Variants in WDPCP observed in about 807,000 individuals in gnomAD.
WDPCP encodes WD repeat-containing and planar cell polarity effector protein fritz homolog.
In WDPCP, 71 loss-of-function variants were observed where a neutral mutation model predicts 93.1. That is an observed-to-expected ratio of 0.76 (90% CI 0.63 to 0.93). WDPCP has a LOEUF of 0.93. Among genes scored for constraint, WDPCP ranks in the 40% least tolerant of loss-of-function variants. The pLI is 0.00. For synonymous variants in WDPCP, 315 were observed against 315.0 expected (o/e 1.00, Z 0.00); for missense variants, 844 against 887.4 (o/e 0.95, Z 0.62).
chr2:63,729,547 A>G (rs542200215), intron 2 of WDPCP, among the ~76,000 whole-genome samples: 109 of 152,166 alleles, frequency 7.2e-4, no homozygotes, highest in Non-Finnish European at 1.2e-3. Context: ...CTAACCCCCA[A>G]TTCAAAGCGC....
chr2:63,675,076 A>C (rs1030596666), intron 2 of WDPCP, among the ~76,000 whole-genome samples: 2 of 151,980 alleles, frequency 1.3e-5, no homozygotes, highest in Non-Finnish European at 1.5e-5. Flanking sequence ...TTTGAACCCC[A>C]CCCCAAACTT....
intron 3 of WDPCP, chr2:63,599,412 T>C: frequency 1.1e-6 from 1 of 947,848 alleles, no homozygotes; most frequent in South Asian, 2.1e-5. Flanking sequence ...TAGGAACCTA[T>C]TACTTTTATT....
intron 2 of WDPCP, among the ~76,000 whole-genome samples, chr2:63,736,993 C>T (rs376500813): frequency 9.2e-5 from 14 of 151,982 alleles, no homozygotes; most frequent in African/African-American, 2.4e-4. Context: ...TAGACTCAAA[C>T]GACAGCACAA....
chr2:63,298,882 A>G (rs932486624), intron 13 of WDPCP, among the ~76,000 whole-genome samples: 1 of 152,170 alleles, frequency 6.6e-6, no homozygotes, highest in Non-Finnish European at 1.5e-5. Context: ...TCTTTATATC[A>G]TAGTGGTAGT....
At chr2:63,578,226 G>T (rs1391360727) in intron 1 of WDPCP, among the ~76,000 whole-genome samples, 1 of 152,086 alleles carries the variant, frequency 6.6e-6, no homozygotes, top group African/African-American at 2.4e-5. Context: ...CCTTGTCCCA[G>T]TTTTATACCA....
At position 63,196,353 on chromosome 2, in the gene WDPCP, C is replaced by T. The variant is rs147124434; in HGVS notation, c.1916-21521G>A. Among the ~76,000 whole-genome samples the T allele has an allele frequency of 4.0e-3, 612 of 152,334 alleles. 3 individuals are homozygous for T. The highest frequency in any genetic ancestry group is 0.014 in the African/African-American group (590 of 41,562). On this transcript the variant is annotated intron_variant, in intron 14 of 17. Coordinates refer to ENST00000272321, the MANE Select transcript of WDPCP (RefSeq NM_015910.7). ...CATTCTAAAAAAGGAAAAGGAAATT[C>T]ATGAAGCTGTCACTGAAGCTATGCC...
intron 3 of WDPCP, among the ~76,000 whole-genome samples, chr2:63,637,288 G>T (rs1258839870): frequency 6.6e-6 from 1 of 151,644 alleles, no homozygotes; most frequent in Non-Finnish European, 1.5e-5. Flanking sequence ...GGAGATGGGG[G>T]TTGCAGTGAG....
chr2:63,292,148 A>G (rs948283140), intron 13 of WDPCP, among the ~76,000 whole-genome samples: 50 of 151,432 alleles, frequency 3.3e-4, no homozygotes, highest in Admixed American at 8.5e-4. Flanking sequence ...AAAAAAAAAA[A>G]AAAGAAAAAG....
chr2:63,452,471 T>A (rs1425503602), intron 6 of WDPCP, among the ~76,000 whole-genome samples: 1 of 152,236 alleles, frequency 6.6e-6, no homozygotes, highest in African/African-American at 2.4e-5. Flanking sequence ...GAACATTCCA[T>A]GTTCATGGAC....
At chr2:63,751,557 A>G in intron 2 of WDPCP, 5 of 398,900 alleles carry the variant, frequency 1.3e-5, no homozygotes, top group South Asian at 1.0e-4. Flanking sequence ...TATCTAAAAC[A>G]TGTCTTTTTT....
chr2:63,545,274 A>G (rs1015334185), intron 1 of WDPCP, among the ~76,000 whole-genome samples: 1 of 151,034 alleles, frequency 6.6e-6, no homozygotes, highest in African/African-American at 2.4e-5. Flanking sequence ...CTAAGTGTTA[A>G]AGTGTGTGAG....
intron 17 of WDPCP, among the ~76,000 whole-genome samples, chr2:63,129,577 C>T (rs1670155879): frequency 6.6e-6 from 1 of 152,178 alleles, no homozygotes; most frequent in East Asian, 1.9e-4. Context: ...TGATGTTGAA[C>T]ATCATTTCAT....
At chr2:63,368,374 G>C (rs1478217452) in intron 12 of WDPCP, among the ~76,000 whole-genome samples, 1 of 151,384 alleles carries the variant, frequency 6.6e-6, no homozygotes, top group East Asian at 1.9e-4. Context: ...CGCCCAGGCT[G>C]GAGTGCAGTG....
intron 1 of WDPCP, among the ~76,000 whole-genome samples, chr2:63,504,890 C>T (rs1701772748): frequency 6.6e-6 from 1 of 151,992 alleles, no homozygotes; most frequent in African/African-American, 2.4e-5. Flanking sequence ...AAAGAATCTT[C>T]CCACTATTGC....
chr2:63,634,652 C>T (rs262505), intron 3 of WDPCP, among the ~76,000 whole-genome samples: 123,528 of 152,108 alleles, frequency 0.81, 50,957 homozygotes, highest in East Asian at 0.98. Context: ...TTTAAGAAGC[C>T]GAAAAATTTA....
intron 14 of WDPCP, among the ~76,000 whole-genome samples, chr2:63,178,479 A>C (rs1469528029): frequency 6.6e-6 from 1 of 152,104 alleles, no homozygotes; most frequent in Non-Finnish European, 1.5e-5. Context: ...TAAGTTTTCC[A>C]GTTTGTTGGC....
intron 15 of WDPCP, among the ~76,000 whole-genome samples, chr2:63,167,614 A>G (rs1673080132): frequency 6.6e-6 from 1 of 152,126 alleles, no homozygotes; most frequent in Non-Finnish European, 1.5e-5. Flanking sequence ...TTGTGATTGG[A>G]GAGTGTTTGT....
intron 17 of WDPCP, among the ~76,000 whole-genome samples, chr2:63,132,368 T>A (rs185553510): frequency 6.6e-6 from 1 of 152,020 alleles, no homozygotes; most frequent in East Asian, 1.9e-4. Context: ...CTTGAGTTTA[T>A]ATGTCTATTT....
In WDPCP at chr2:63,362,478, G is replaced by C. The variant is rs182028112; in HGVS notation, c.1748+15908C>G. On this transcript the variant is annotated intron_variant, in intron 12 of 17. Transcript: ENST00000272321. ...TCACCAAGACTATGAATAGTACCCA[G>C]TACTGCCAGGAGAACAAATTATGTT... 3.3e-4 allele frequency among the ~76,000 whole-genome samples: 50 copies of C among 151,998 alleles called. 1 individual carries two copies. The highest frequency in any genetic ancestry group is 2.5e-3 in the Admixed American group (38 of 15,242).
Sources: allele counts gnomAD v4.1 joint callset (sites outside exome capture counted in the v4.1 genomes callset), GRCh38; gene constraint gnomAD v4.1.1; transcripts MANE v1.5; gene names NCBI Gene and HGNC (gene_info 2026-07-23, HGNC 2026-07-21).